The following NRG2 variants were observed in gnomAD, a reference collection of about 807,000 sequenced individuals.
NRG2 encodes neuregulin 2, also known as pro-neuregulin-2, membrane-bound isoform.
Under a neutral mutation model 73.9 loss-of-function variants are expected in NRG2, and 27 were observed. The observed-to-expected ratio is 0.37, with a 90% CI of 0.27 to 0.50. NRG2 has a LOEUF of 0.50. Ranked by LOEUF, NRG2 falls within the 20% of genes least tolerant of loss-of-function variation. The probability of loss-of-function intolerance (pLI) is 0.96; values close to 1 mark genes in which losing one functional copy is unlikely to be tolerated. For missense variants in NRG2, 1,126 were observed against 1,210.1 expected, an observed-to-expected ratio of 0.93 and a Z score of 1.03; for synonymous variants, 532 against 541.0, an observed-to-expected ratio of 0.98 and a Z score of 0.23.
chr5:139,881,978 G>A (rs1421462520), intron 2 of NRG2, among the ~76,000 whole-genome samples: 1 of 152,186 alleles, frequency 6.6e-6, no homozygotes, highest in Non-Finnish European at 1.5e-5. Context: ...GCCTCCAAGG[G>A]CCAGCATGAG....
At position 139,860,039 on chromosome 5, in the gene NRG2, C is replaced by G. The variant is rs930868603; in HGVS notation, c.1190-4261G>C. 3 of 940,106 alleles carry G rather than the reference C, an allele frequency of 3.2e-6. No homozygotes were observed. The African/African-American group carries it at 4.9e-5, about 15-fold the overall frequency. The allele number at this position is 940,106 out of a possible 1,614,324, so 58.2% of individuals were successfully genotyped here. ...ACTCCTCAGACACCGGGCAGCCATC[C>G]TGCGAGGTGAAAGCAGGTTAGTAGT... On this transcript the variant is annotated intron_variant, in intron 5 of 9. Transcript: ENST00000361474.
chr5:139,980,927 G>A (rs191245362), intron 1 of NRG2, among the ~76,000 whole-genome samples: 1 of 152,306 alleles, frequency 6.6e-6, no homozygotes, highest in African/African-American at 2.4e-5. Flanking sequence ...GAGCTTGGTT[G>A]TGCAGAGAAG....
At chr5:140,039,145 A>G (rs1048601169) in intron 1 of NRG2, among the ~76,000 whole-genome samples, 2 of 152,206 alleles carry the variant, frequency 1.3e-5, no homozygotes, top group African/African-American at 4.8e-5. Flanking sequence ...AAAGAAAGAA[A>G]TGATCTTCAT....
rs3056592 is a variant in NRG2 at position 139,957,303 on chromosome 5, A to ATC, written c.701-69794_701-69793dup. On this transcript the variant is annotated intron_variant, in intron 1 of 9. Coordinates refer to ENST00000361474, the MANE Select transcript of NRG2 (RefSeq NM_004883.3). ...CTGGTCACCATCCCCCCACTCAAGA[A>ATC]TCTCTGTGTGTGTGTGTGTGTGTGT... 3.6e-4 allele frequency among the ~76,000 whole-genome samples: 46 copies of ATC among 127,330 alleles called. 1 individual carries two copies. The highest frequency in any genetic ancestry group is 9.9e-4 in the African/African-American group (32 of 32,412). The allele number at this position is 127,330 out of a possible 152,430, so 83.5% of individuals were successfully genotyped here.
intron 5 of NRG2, among the ~76,000 whole-genome samples, chr5:139,857,869 T>C (rs1470411596): frequency 6.6e-6 from 1 of 152,144 alleles, no homozygotes. Flanking sequence ...CTCGCAGCTC[T>C]GCTTCCCAAG....
At position 139,848,442 on chromosome 5, in the gene NRG2, G is replaced by A. The variant is rs1174983478; in HGVS notation, c.2028C>T (p.Ser676=). ...CGGGCCCCGCCGCGGGGTAATAGTA[G>A]CTGTCATAGCTGCGCTGCATGTCTG... The part of the protein sequence containing the change: ...PGADMQRSYD[S]YYYPAAGPGP... Residue 676 remains serine (S), a synonymous_variant, in exon 10 of 10, where the codon AGC becomes AGT. Coordinates refer to ENST00000361474, the MANE Select transcript of NRG2 (RefSeq NM_004883.3). 2 of 1,316,974 alleles carry A rather than the reference G, an allele frequency of 1.5e-6. No individual in the cohort carries two copies. The highest frequency in any genetic ancestry group is 1.9e-6 in the Non-Finnish European group (2 of 1,044,398). The allele number at this position is 1,316,974 out of a possible 1,614,324, so 81.6% of individuals were successfully genotyped here. A position where few individuals can be genotyped will look rare whatever the true frequency, so the allele number is the denominator to read the frequency against.
chr5:139,897,273 G>A (rs1459025180), intron 1 of NRG2, among the ~76,000 whole-genome samples: 2 of 152,168 alleles, frequency 1.3e-5, no homozygotes, highest in Non-Finnish European at 2.9e-5. Context: ...TGTGAAACAG[G>A]GACAGTCTCA....
rs1761046684 is a variant in NRG2, at chr5:139,847,122, C to T, written c.*795G>A. The stretch of plus-strand genomic sequence containing the variant: ...TCTAAAGAATCTGAAATGCAAAGGA[C>T]ATGCAGGTGTAAAATAGAAAAGACG... On this transcript the variant is annotated 3_prime_UTR_variant, in exon 10 of 10. Coordinates refer to ENST00000361474, the MANE Select transcript of NRG2 (RefSeq NM_004883.3). 6.6e-6 allele frequency: 1 copy of T among 152,220 alleles called. No homozygotes were observed. Among genetic ancestry groups the T allele is most frequent in the Admixed American group, 6.5e-5 (1 of 15,276 alleles). 9.4% of individuals were successfully genotyped at this position (152,220 alleles called of 1,614,324 possible).
At position 139,870,003 on chromosome 5, in the gene NRG2, A is replaced by G. The variant is rs113659091; in HGVS notation, c.1112+1718T>C. Among the ~76,000 whole-genome samples, 222 of 152,268 alleles carry G rather than the reference A, an allele frequency of 1.5e-3. 4 individuals are homozygous for G. Among genetic ancestry groups the G allele is most frequent in the African/African-American group, 5.2e-3 (217 of 41,552 alleles). ...CAGTGACAGTGCTGGATCCCTTCAA[A>G]GTCTGGGGTCCAAGGGGCTAGGGAA... On this transcript the variant is annotated intron_variant, in intron 4 of 9. Coordinates refer to ENST00000361474, the MANE Select transcript of NRG2 (RefSeq NM_004883.3). This position sits in a 1 kb window ranked among gnomAD's most constrained non-coding sequence, Gnocchi z 4.4.
intron 1 of NRG2, among the ~76,000 whole-genome samples, chr5:139,902,557 T>C (rs1764956217): frequency 6.6e-6 from 1 of 152,152 alleles, no homozygotes; most frequent in Non-Finnish European, 1.5e-5. Context: ...TGCTCATGCT[T>C]TCCATGTGCA....
At chr5:139,986,292 C>A (rs542092555) in intron 1 of NRG2, among the ~76,000 whole-genome samples, 1 of 152,284 alleles carries the variant, frequency 6.6e-6, no homozygotes, top group Admixed American at 6.5e-5. Flanking sequence ...ATGTGTCAGG[C>A]GTGGCCCCTG....
chr5:139,976,610 T>C (rs1052773504), intron 1 of NRG2, among the ~76,000 whole-genome samples: 1 of 152,206 alleles, frequency 6.6e-6, no homozygotes, highest in Non-Finnish European at 1.5e-5. Context: ...ACAGACTCAC[T>C]GGGTTTCAGA....
At chr5:140,012,978 C>T (rs1369754326) in intron 1 of NRG2, among the ~76,000 whole-genome samples, 1 of 152,188 alleles carries the variant, frequency 6.6e-6, no homozygotes, top group Non-Finnish European at 1.5e-5. Context: ...ATGTGCCTGA[C>T]AATCATACTG....
chr5:139,912,881 C>T (rs1477947928), intron 1 of NRG2, among the ~76,000 whole-genome samples: 1 of 152,176 alleles, frequency 6.6e-6, no homozygotes, highest in South Asian at 2.1e-4. Flanking sequence ...AAATGCTTTC[C>T]AGGGCCCTTT....
intron 1 of NRG2, among the ~76,000 whole-genome samples, chr5:140,015,777 C>G (rs1446029950): frequency 6.6e-6 from 1 of 152,242 alleles, no homozygotes; most frequent in Non-Finnish European, 1.5e-5. Flanking sequence ...GCTTCAGCAT[C>G]TGACTGCACA....
chr5:140,040,887 A>C (rs887142410), intron 1 of NRG2, among the ~76,000 whole-genome samples: 2 of 152,226 alleles, frequency 1.3e-5, no homozygotes, highest in Non-Finnish European at 2.9e-5. Context: ...TCCTAAGGAT[A>C]ATGTCAGAGC....
intron 1 of NRG2, among the ~76,000 whole-genome samples, chr5:139,965,977 T>A (rs1755482981): frequency 6.7e-6 from 1 of 150,182 alleles, no homozygotes; most frequent in African/African-American, 2.5e-5. Flanking sequence ...AATTTCTAAT[T>A]TTTTTTTTAT....
intron 5 of NRG2, among the ~76,000 whole-genome samples, chr5:139,858,752 T>C (rs1417497962): frequency 6.6e-6 from 1 of 152,114 alleles, no homozygotes; most frequent in Non-Finnish European, 1.5e-5. Context: ...ACAAGGTGTA[T>C]ACTCTCAACA....
At chr5:139,950,932 G>A (rs567651206) in intron 1 of NRG2, among the ~76,000 whole-genome samples, 6 of 152,288 alleles carry the variant, frequency 3.9e-5, no homozygotes, top group African/African-American at 1.4e-4. Flanking sequence ...TCAGTATCCT[G>A]GCCACTGCTG....
Sources: gnomAD v4.1 joint callset for allele counts (sites outside exome capture counted in the v4.1 genomes callset) on GRCh38, gnomAD v4.1.1 for gene constraint, Gnocchi (gnomAD v3.1) non-coding constraint, MANE v1.5 for transcripts, NCBI Gene and HGNC (gene_info 2026-07-23, HGNC 2026-07-21) for gene names.